Variants in ERBB4 observed in about 807,000 individuals in gnomAD.
ERBB4 encodes erb-b2 receptor tyrosine kinase 4.
A neutral mutation model predicts 158.0 loss-of-function variants in ERBB4; 42 were observed. That is an observed-to-expected ratio of 0.27 (90% CI 0.21 to 0.34). ERBB4 has a LOEUF of 0.34. Ranked by LOEUF, ERBB4 falls within the 10% of genes least tolerant of loss-of-function variation. ERBB4 has a pLI of 1.00. For missense variants in ERBB4, 1,333 were observed against 1,624.1 expected, an observed-to-expected ratio of 0.82 and a Z score of 3.08; for synonymous variants, 583 against 558.7, an observed-to-expected ratio of 1.04 and a Z score of -0.61.
At chr2:211,574,947 C>T (rs1317291657) in intron 19 of ERBB4, among the ~76,000 whole-genome samples, 1 of 152,178 alleles carries the variant, frequency 6.6e-6, no homozygotes, top group Non-Finnish European at 1.5e-5. Context: ...CAGCACAATG[C>T]TATTGATTTA....
At chr2:211,897,730 A>G (rs1188431680) in intron 3 of ERBB4, among the ~76,000 whole-genome samples, 1 of 151,560 alleles carries the variant, frequency 6.6e-6, no homozygotes, top group Non-Finnish European at 1.5e-5. Flanking sequence ...GCTTTTAATT[A>G]ATTGTTTTGT....
chr2:211,665,007 T>C (rs1409685655), intron 15 of ERBB4, among the ~76,000 whole-genome samples: 2 of 152,226 alleles, frequency 1.3e-5, no homozygotes, highest in Admixed American at 1.3e-4. Context: ...TACTGTCCTA[T>C]CTTTTCTGAG....
intron 1 of ERBB4, among the ~76,000 whole-genome samples, chr2:212,304,521 A>AATCTAG (rs1435644826): frequency 6.6e-6 from 1 of 151,410 alleles, no homozygotes; most frequent in Non-Finnish European, 1.5e-5. Flanking sequence ...TCTACCAATC[A>AATCTAG]ATCTAGGTGT....
chr2:211,565,379 T>C (rs1347039179), intron 19 of ERBB4, among the ~76,000 whole-genome samples: 1 of 152,110 alleles, frequency 6.6e-6, no homozygotes, highest in Non-Finnish European at 1.5e-5. Context: ...AAAGTTAGCA[T>C]ATGATACATA....
intron 1 of ERBB4, among the ~76,000 whole-genome samples, chr2:212,445,669 G>C (rs1370901374): frequency 6.6e-6 from 1 of 152,192 alleles, no homozygotes; most frequent in East Asian, 1.9e-4. Context: ...CATGCCCTAT[G>C]ATTGGGGTCA....
chr2:211,999,960 A>G (rs2125276728), intron 2 of ERBB4, among the ~76,000 whole-genome samples: 1 of 151,878 alleles, frequency 6.6e-6, no homozygotes, highest in African/African-American at 2.4e-5. Flanking sequence ...ATATGTTATA[A>G]TGGTGTCTCT....
intron 20 of ERBB4, among the ~76,000 whole-genome samples, chr2:211,557,444 G>A (rs1210551352): frequency 6.6e-6 from 1 of 152,060 alleles, no homozygotes; most frequent in Non-Finnish European, 1.5e-5. Context: ...CCATTAAAAA[G>A]TGGGCAAAGG....
At chr2:211,425,014 G>A (rs1329221820) in intron 22 of ERBB4, among the ~76,000 whole-genome samples, 1 of 152,072 alleles carries the variant, frequency 6.6e-6, no homozygotes, top group Non-Finnish European at 1.5e-5. Context: ...ACCCTAAATG[G>A]TAGCATGCAA....
At chr2:212,352,428 G>C (rs944288855) in intron 1 of ERBB4, among the ~76,000 whole-genome samples, 7 of 151,462 alleles carry the variant, frequency 4.6e-5, no homozygotes, top group Non-Finnish European at 8.8e-5. Flanking sequence ...TTCTTCTTTG[G>C]GGAAATAAAA....
intron 3 of ERBB4, among the ~76,000 whole-genome samples, chr2:211,860,640 A>G (rs997577571): frequency 6.6e-6 from 1 of 150,934 alleles, no homozygotes; most frequent in African/African-American, 2.4e-5. Flanking sequence ...GTTTATTGAC[A>G]GTAAATATAG....
chr2:211,422,802 A>G (rs897088059), intron 23 of ERBB4, among the ~76,000 whole-genome samples: 3 of 151,976 alleles, frequency 2.0e-5, no homozygotes, highest in African/African-American at 7.2e-5. Flanking sequence ...TTGGTTTTAC[A>G]TAATTAATTT....
intron 1 of ERBB4, among the ~76,000 whole-genome samples, chr2:212,308,796 T>G (rs2086910108): frequency 6.6e-6 from 1 of 151,016 alleles, no homozygotes; most frequent in Non-Finnish European, 1.5e-5. Flanking sequence ...CTTAACATTC[T>G]ATAATTTGGC....
chr2:212,336,381 C>T (rs2088442220), intron 1 of ERBB4, among the ~76,000 whole-genome samples: 1 of 151,888 alleles, frequency 6.6e-6, no homozygotes, highest in South Asian at 2.1e-4. Context: ...CTTTACTTTG[C>T]CTTTACTTTT....
At chr2:212,480,136 T>C (rs904501398) in intron 1 of ERBB4, among the ~76,000 whole-genome samples, 3 of 152,192 alleles carry the variant, frequency 2.0e-5, no homozygotes, top group African/African-American at 7.2e-5. Flanking sequence ...CAAAGGAAGA[T>C]GGTACTTAAA....
chr2:212,444,278 G>A (rs558733546), intron 1 of ERBB4, among the ~76,000 whole-genome samples: 30 of 152,282 alleles, frequency 2.0e-4, no homozygotes, highest in African/African-American at 7.0e-4. Flanking sequence ...TAACCCTGAA[G>A]GACAGCAGTG....
chr2:211,852,620 A>C (rs971111803), intron 3 of ERBB4, among the ~76,000 whole-genome samples: 1 of 143,524 alleles, frequency 7.0e-6, no homozygotes, highest in African/African-American at 2.5e-5. Context: ...CTTACTGTAC[A>C]TGGTACAATG....
At chr2:212,296,548 C>T (rs1309899258) in intron 1 of ERBB4, among the ~76,000 whole-genome samples, 1 of 151,646 alleles carries the variant, frequency 6.6e-6, no homozygotes, top group Non-Finnish European at 1.5e-5. Context: ...ATCAGTATAC[C>T]CTCTCCATCC....
At chr2:212,390,890 A>G (rs2090834561) in intron 1 of ERBB4, among the ~76,000 whole-genome samples, 2 of 151,984 alleles carry the variant, frequency 1.3e-5, no homozygotes, top group South Asian at 4.1e-4. Flanking sequence ...TATTGTGAAT[A>G]TTCTATGCAG....
chr2:212,380,034 G>C (rs942436563), intron 1 of ERBB4, among the ~76,000 whole-genome samples: 2 of 151,472 alleles, frequency 1.3e-5, no homozygotes, highest in African/African-American at 4.8e-5. Context: ...GCTAAGGACA[G>C]TAAGTCTCTT....
Sources: gnomAD v4.1 joint callset for allele counts (sites outside exome capture counted in the v4.1 genomes callset) on GRCh38, gnomAD v4.1.1 for gene constraint, MANE v1.5 for transcripts, NCBI Gene and HGNC (gene_info 2026-07-23, HGNC 2026-07-21) for gene names.